Variants in TNS3 observed in about 807,000 individuals in gnomAD.
TNS3 encodes tensin-3.
In TNS3, 45 loss-of-function variants were observed where a neutral mutation model predicts 140.9. The observed-to-expected ratio is 0.32, with a 90% confidence interval of 0.25 to 0.41. The LOEUF is 0.41. Among genes scored for constraint, TNS3 ranks in the 10% least tolerant of loss-of-function variants. The pLI, the probability that TNS3 is intolerant of heterozygous loss-of-function variation, is 1.00. For synonymous variants in TNS3, 815 were observed against 788.4 expected (o/e 1.03, Z -0.56); for missense variants, 1,716 against 1,906.7 (o/e 0.90, Z 1.86).
At chr7:47,291,921 C>T (rs1326871813) in intron 27 of TNS3, 34 bp downstream of exon 27, 1 of 1,609,520 alleles carries the variant, frequency 6.2e-7, no homozygotes, top group Non-Finnish European at 8.5e-7. Flanking sequence ...TCTCCCCAGT[C>T]ACCAGATGTA....
At chr7:47,293,852 G>C (rs918496802) in intron 24 of TNS3, 24 bp from the exon 25 acceptor site, 1 of 1,612,840 alleles carries the variant, frequency 6.2e-7, no homozygotes. Context: ...TTTAAAGAAA[G>C]AAGAATTTTT....
intron 2 of TNS3, among the ~76,000 whole-genome samples, chr7:47,522,927 C>CAAACA (rs1554348425): frequency 1.4e-5 from 2 of 139,682 alleles, no homozygotes; most frequent in Non-Finnish European, 3.1e-5. Flanking sequence ...GACTCCATCT[C>CAAACA]AAAAAAAAAA....
chr7:47,556,463 G>A lies in TNS3; in HGVS notation c.-265+25588C>T, dbSNP rs74503004. Among the ~76,000 whole-genome samples, 1,229 of 152,270 alleles carry A rather than the reference G, an allele frequency of 8.1e-3. 18 individuals carry two copies. Among genetic ancestry groups the A allele is most frequent in the African/African-American group, 0.028 (1,166 of 41,562 alleles). On this transcript the variant is annotated intron_variant, in intron 1 of 30. Coordinates refer to ENST00000311160, the MANE Select transcript of TNS3 (RefSeq NM_022748.12). Reference sequence around the variant, plus strand: ...TGTTCTGCCTGTCCTGGGGCCCTAGGAGCCTCCGGCCTGAGTCTGGGCATC... The same window carrying A: ...TGTTCTGCCTGTCCTGGGGCCCTAGAAGCCTCCGGCCTGAGTCTGGGCATC...
chr7:47,313,524 G>C (rs931163830), intron 20 of TNS3, among the ~76,000 whole-genome samples: 2 of 152,174 alleles, frequency 1.3e-5, no homozygotes, highest in African/African-American at 2.4e-5. Context: ...CTTATGGTTG[G>C]TTGGTTGAGC....
rs1443676339 is a variant in TNS3 at position 47,304,849 on chromosome 7, A to G, written c.2805T>C (p.Pro935=). 4 of 1,387,514 alleles carry G rather than the reference A, an allele frequency of 2.9e-6. No individual in the cohort carries two copies. The highest frequency in any genetic ancestry group is 1.5e-5 in the African/African-American group (1 of 67,260). The allele number at this position is 1,387,514 out of a possible 1,614,324, so 86.0% of individuals were successfully genotyped here. Residue 935 remains proline (P), a synonymous_variant, in exon 21 of 31, where the codon CCT becomes CCC. Coordinates refer to ENST00000311160, the MANE Select transcript of TNS3 (RefSeq NM_022748.12). ...ASSCTISSNG[P]GQRRESSSSA... ...CTTCTTACCTCTCTCTCCTCTGCCC[A>G]GGGCCGTTGCTGGAAATGGTGCAGG...
At chr7:47,516,946 C>T (rs1169693439) in intron 2 of TNS3, among the ~76,000 whole-genome samples, 1 of 152,028 alleles carries the variant, frequency 6.6e-6, no homozygotes, top group Admixed American at 6.6e-5. Flanking sequence ...GCCTGTAATC[C>T]CAGCTACTCG....
intron 4 of TNS3, among the ~76,000 whole-genome samples, chr7:47,445,626 G>T (rs1339796304): frequency 1.3e-5 from 2 of 152,276 alleles, no homozygotes; most frequent in East Asian, 1.9e-4. Context: ...TCACTTCCAA[G>T]TCAGCGTCTG....
chr7:47,352,135 A>G (rs1350560365), intron 17 of TNS3, among the ~76,000 whole-genome samples: 1 of 151,704 alleles, frequency 6.6e-6, no homozygotes, highest in Non-Finnish European at 1.5e-5. Flanking sequence ...ACACTCTTAC[A>G]CTCACACACC....
chr7:47,294,907 G>A lies in TNS3; in HGVS notation c.3677-1079C>T, dbSNP rs541601109. ...GGTCTGGATTCCACTTGTGAGAAATGGCTCAGTGGGAAGTCCTTCTGGCCA... is the reference window on the plus strand; with the variant it reads ...GGTCTGGATTCCACTTGTGAGAAATAGCTCAGTGGGAAGTCCTTCTGGCCA... On this transcript the variant is annotated intron_variant, in intron 24 of 30. Coordinates refer to ENST00000311160, the MANE Select transcript of TNS3 (RefSeq NM_022748.12). Among the ~76,000 whole-genome samples, 4 of 152,324 alleles carry A rather than the reference G, an allele frequency of 2.6e-5. No individual in the cohort carries two copies. The South Asian group carries it at 8.3e-4, about 32-fold the overall frequency.
At chr7:47,486,108 G>A (rs998765704) in intron 3 of TNS3, among the ~76,000 whole-genome samples, 1 of 151,948 alleles carries the variant, frequency 6.6e-6, no homozygotes, top group Admixed American at 6.6e-5. Context: ...GTCTGTGTTT[G>A]ACTAGGTATA....
chr7:47,447,547 C>A (rs750032084), intron 4 of TNS3, among the ~76,000 whole-genome samples: 2 of 152,094 alleles, frequency 1.3e-5, no homozygotes, highest in African/African-American at 2.4e-5. Flanking sequence ...CAGGACTGTG[C>A]GCTCATGTCC....
At chr7:47,402,249 T>G (rs1434311217) in intron 13 of TNS3, among the ~76,000 whole-genome samples, 1 of 152,094 alleles carries the variant, frequency 6.6e-6, no homozygotes, top group Admixed American at 6.5e-5. Context: ...AAAAATATAA[T>G]TAAGACTGTG....
Position 47,278,233 on chromosome 7 carries a change from A to G in TNS3, c.4194-13T>C, listed in dbSNP as rs764223407. On this transcript the variant is annotated splice_polypyrimidine_tract_variant and intron_variant, in intron 30 of 30. Transcript: ENST00000311160. ...AAATCCAAAGACTCTGCCAAAGGAA[A>G]GTCCAGTCAGAGTGGTCAGTGTCCC... 4 of 1,612,388 alleles carry G rather than the reference A, an allele frequency of 2.5e-6. No individual in the cohort carries two copies. Among genetic ancestry groups the G allele is most frequent in the South Asian group, 2.2e-5 (2 of 90,668 alleles).
intron 1 of TNS3, among the ~76,000 whole-genome samples, chr7:47,532,429 G>A (rs750673125): frequency 2.0e-5 from 3 of 152,162 alleles, no homozygotes; most frequent in Non-Finnish European, 4.4e-5. Context: ...AGAGAATGGA[G>A]AGACCACAAG....
At chr7:47,534,601 C>G (rs1253969592) in intron 1 of TNS3, among the ~76,000 whole-genome samples, 2 of 152,134 alleles carry the variant, frequency 1.3e-5, no homozygotes, top group African/African-American at 2.4e-5. Context: ...AGCTCCATCC[C>G]GTGATTCTAA....
chr7:47,485,786 C>T (rs1797587639), intron 3 of TNS3, among the ~76,000 whole-genome samples: 1 of 152,218 alleles, frequency 6.6e-6, no homozygotes, highest in Non-Finnish European at 1.5e-5. Context: ...GCTGTGCCTG[C>T]CCCACACCTG....
intron 14 of TNS3, 125 bp downstream of exon 14, chr7:47,400,660 T>C: frequency 6.7e-7 from 1 of 1,493,656 alleles, no homozygotes; most frequent in Non-Finnish European, 9.0e-7. Context: ...TTTCTCCTAC[T>C]TTGGGAACAA....
chr7:47,293,717 C>T lies in TNS3; in HGVS notation c.3772+16G>A. ...ATGAGTTCAGAACATTGACAGCAAC[C>T]TCTCAAGCAACTCACCGAAATATGG... On this transcript the variant is annotated intron_variant, in intron 25 of 30. Coordinates refer to ENST00000311160, the MANE Select transcript of TNS3 (RefSeq NM_022748.12). The T allele has an allele frequency of 1.2e-6, 2 of 1,612,442 alleles. No individual in the cohort carries two copies. The highest frequency in any genetic ancestry group is 1.7e-6 in the Non-Finnish European group (2 of 1,178,518).
chr7:47,532,237 AG>A (rs1313064907), intron 1 of TNS3, among the ~76,000 whole-genome samples: 10 of 152,082 alleles, frequency 6.6e-5, no homozygotes, highest in African/African-American at 2.4e-4. Context: ...GTCCTCAGTA[AG>A]GCCCCACCTT....
Sources: gnomAD v4.1 joint callset for allele counts (sites outside exome capture counted in the v4.1 genomes callset) on GRCh38, gnomAD v4.1.1 for gene constraint, MANE v1.5 for transcripts, NCBI Gene and HGNC (gene_info 2026-07-23, HGNC 2026-07-21) for gene names.